The following KREMEN1 variants were observed in gnomAD, a reference collection of about 807,000 sequenced individuals.
The protein encoded by KREMEN1 is kremen protein 1.
Under a neutral mutation model 46.5 loss-of-function variants are expected in KREMEN1, and 30 were observed. The ratio of observed to expected loss-of-function variants is 0.65; its 90% CI spans 0.48 to 0.88. The LOEUF (loss-of-function observed/expected upper bound fraction) is 0.88. KREMEN1 is among the 40% of genes least tolerant of loss of function. The pLI is 0.00. For missense variants in KREMEN1, 533 were observed against 596.9 expected (o/e 0.89, Z 1.11); for synonymous variants, 214 against 230.6 (o/e 0.93, Z 0.65).
intron 3 of KREMEN1, among the ~76,000 whole-genome samples, chr22:29,102,887 G>A (rs1365688508): frequency 6.6e-6 from 1 of 152,160 alleles, no homozygotes; most frequent in Non-Finnish European, 1.5e-5. Flanking sequence ...GATAGAGGGT[G>A]GGTGGTGTCT....
In KREMEN1 at chr22:29,082,689, T is replaced by C. The variant is rs1474049643; in HGVS notation, c.97+9462T>C. On this transcript the variant is annotated intron_variant, in intron 1 of 8. Transcript: ENST00000400335. ...TCACAGGCTATTGGAAACAGGGCTA[T>C]GTGCTTCCTGAGCAGTTACACTTCA... Among the ~76,000 whole-genome samples, 9 of 152,350 alleles carry C rather than the reference T, an allele frequency of 5.9e-5. No homozygotes were observed. In the East Asian group the frequency reaches 7.7e-4, roughly 13 times the overall value.
At chr22:29,166,993 G>A in intron 9 of KREMEN1, 4 of 1,380,758 alleles carry the variant, frequency 2.9e-6, no homozygotes, top group Non-Finnish European at 4.0e-6. Flanking sequence ...CTCCCTCCGT[G>A]CCTAGGGCTG....
Position 29,131,594 on chromosome 22 carries a change from G to GTGTGTA in KREMEN1, c.632-5747_632-5746insGTGTAT, listed in dbSNP as rs71324554. Among the ~76,000 whole-genome samples the GTGTGTA allele has an allele frequency of 6.0e-3, 733 of 121,528 alleles. 49 individuals carry two copies. Among genetic ancestry groups the GTGTGTA allele is most frequent in the African/African-American group, 0.031 (718 of 23,472 alleles). The allele number at this position is 121,528 out of a possible 152,430, so 79.7% of individuals were successfully genotyped here. A position where few individuals can be genotyped will look rare whatever the true frequency, so the allele number is the denominator to read the frequency against. The stretch of plus-strand genomic sequence containing the variant: ...TGTGTGTGTGTGTGTGTGTGTGTGT[G>GTGTGTA]TATATGTATATATGTGTGTATATAT... On this transcript the variant is annotated intron_variant, in intron 5 of 8. Transcript: ENST00000400335.
At chr22:29,101,373 A>C (rs932688486) in intron 3 of KREMEN1, among the ~76,000 whole-genome samples, 3 of 152,224 alleles carry the variant, frequency 2.0e-5, no homozygotes, top group Non-Finnish European at 4.4e-5. Flanking sequence ...AAAGTAATTA[A>C]AAAGTTTATA....
At chr22:29,118,917 C>G (rs1204225692) in intron 3 of KREMEN1, among the ~76,000 whole-genome samples, 1 of 152,166 alleles carries the variant, frequency 6.6e-6, no homozygotes, top group African/African-American at 2.4e-5. Context: ...CTGCCCCCCA[C>G]TTCAGATGCC....
rs1329701509 is a variant in KREMEN1 at position 29,094,354 on chromosome 22, A to G, written c.194A>G (p.Gln65Arg). The change falls in exon 2 of 9, where the codon CAG becomes CGG. Residue 65 changes from glutamine (Q) to arginine (R), a missense_variant. Coordinates refer to ENST00000400335, the MANE Select transcript of KREMEN1 (RefSeq NM_001039570.3). ...TGTCTGTTTTGGAACGAGACTTTCC[A>G]GCATCCATACAACACTCTGAAATAC... ...KPCLFWNETF[Q>R]HPYNTLKYPN... 4 of 1,614,058 alleles carry G rather than the reference A, an allele frequency of 2.5e-6. No homozygotes were observed. The highest frequency in any genetic ancestry group is 3.4e-6 in the Non-Finnish European group (4 of 1,179,984).
chr22:29,143,924 A>G lies in KREMEN1; in HGVS notation c.*1812A>G. The G allele has an allele frequency of 1.0e-6, 1 of 985,398 alleles. No individual in the cohort carries two copies. Among genetic ancestry groups the G allele is most frequent in the Non-Finnish European group, 1.2e-6 (1 of 829,962 alleles). The allele number at this position is 985,398 out of a possible 1,614,324, so 61.0% of individuals were successfully genotyped here. ...GTGCCAGAAGAGGGTGGGTTTGGGA[A>G]TTGGAGCTCCTCCAAGGAGCTCCTC... On this transcript the variant is annotated 3_prime_UTR_variant, in exon 9 of 9. Coordinates refer to ENST00000400335, the MANE Select transcript of KREMEN1 (RefSeq NM_001039570.3).
intron 9 of KREMEN1, chr22:29,154,447 C>T (rs544998607): frequency 1.3e-5 from 2 of 152,226 alleles, no homozygotes; most frequent in African/African-American, 2.4e-5. Flanking sequence ...TGAATGTCCT[C>T]ATAGTTCCCC....
At chr22:29,090,942 C>T (rs150915582) in intron 1 of KREMEN1, among the ~76,000 whole-genome samples, 7 of 152,080 alleles carry the variant, frequency 4.6e-5, no homozygotes, top group South Asian at 2.1e-4. Context: ...GATGCCATCT[C>T]GTCTCCATGA....
Position 29,145,044 on chromosome 22 carries a change from G to C in KREMEN1, c.*2932G>C. On this transcript the variant is annotated 3_prime_UTR_variant, in exon 9 of 9. Transcript: ENST00000400335. ...GCAGGAGGGCTGTAAATCATCCCAG[G>C]CTAAGCCTCCGTGGGCACTGGCTCC... The C allele has an allele frequency of 1.0e-6, 1 of 985,486 alleles. No individual in the cohort carries two copies. Among genetic ancestry groups the C allele is most frequent in the Non-Finnish European group, 1.2e-6 (1 of 829,976 alleles). The allele number at this position is 985,486 out of a possible 1,614,324, so 61.0% of individuals were successfully genotyped here.
chr22:29,127,958 T>C (rs1436804585), intron 5 of KREMEN1, among the ~76,000 whole-genome samples: 2 of 152,216 alleles, frequency 1.3e-5, no homozygotes, highest in Non-Finnish European at 2.9e-5. Context: ...GAAACCATTA[T>C]TCTAAATGAA....
chr22:29,077,372 C>T (rs1370476946), intron 1 of KREMEN1, among the ~76,000 whole-genome samples: 1 of 152,106 alleles, frequency 6.6e-6, no homozygotes, highest in Non-Finnish European at 1.5e-5. Context: ...TTTAAAGAGA[C>T]GGAGTCTCAC....
In KREMEN1 at chr22:29,142,603, T is replaced by C. The variant is rs1202351192; in HGVS notation, c.*491T>C. 4.1e-6 allele frequency: 4 copies of C among 985,512 alleles called. No individual in the cohort carries two copies. The highest frequency in any genetic ancestry group is 4.8e-6 in the Non-Finnish European group (4 of 830,128). The allele number at this position is 985,512 out of a possible 1,614,324, so 61.0% of individuals were successfully genotyped here. A position where few individuals can be genotyped will look rare whatever the true frequency, so the allele number is the denominator to read the frequency against. On this transcript the variant is annotated 3_prime_UTR_variant, in exon 9 of 9. Transcript: ENST00000400335. ...GAGAACTCTCAGGTACTCTTGGGAG[T>C]TGGTCCCATACAAGTGCGGACTCCT...
intron 2 of KREMEN1, 83 bp downstream of exon 2, chr22:29,094,503 C>G (rs2037850158): frequency 4.7e-6 from 6 of 1,276,186 alleles, no homozygotes; most frequent in Admixed American, 5.1e-5. Flanking sequence ...CAGCTCACAA[C>G]TAGGGGAAGT....
intron 6 of KREMEN1, among the ~76,000 whole-genome samples, chr22:29,138,004 A>C (rs946103344): frequency 6.6e-6 from 1 of 152,234 alleles, no homozygotes; most frequent in Non-Finnish European, 1.5e-5. Flanking sequence ...GAAGGTTATC[A>C]AAAGGTCATC....
rs976386159 is a variant in KREMEN1, at chr22:29,143,967, A to G, written c.*1855A>G. 23 of 985,310 alleles carry G rather than the reference A, an allele frequency of 2.3e-5. No homozygotes were observed. The highest frequency in any genetic ancestry group is 2.8e-5 in the Non-Finnish European group (23 of 829,934). 61.0% of individuals were successfully genotyped at this position (985,310 alleles called of 1,614,324 possible). ...AGCTCCTCCTAAGATTGAGTGCTGC[A>G]GCTGTAGTGGCTGCTGGTTGGGAGA... On this transcript the variant is annotated 3_prime_UTR_variant, in exon 9 of 9. Coordinates refer to ENST00000400335, the MANE Select transcript of KREMEN1 (RefSeq NM_001039570.3).
intron 3 of KREMEN1, among the ~76,000 whole-genome samples, chr22:29,117,369 C>T (rs1330947090): frequency 6.6e-6 from 1 of 152,104 alleles, no homozygotes; most frequent in Non-Finnish European, 1.5e-5. Flanking sequence ...AGATCGAGAC[C>T]ATCCTGGCTA....
Position 29,145,292 on chromosome 22 carries a change from A to G in KREMEN1, c.*3180A>G. The G allele has an allele frequency of 1.0e-6, 1 of 985,648 alleles. No homozygotes were observed. The highest frequency in any genetic ancestry group is 1.2e-6 in the Non-Finnish European group (1 of 830,058). 61.1% of individuals were successfully genotyped at this position (985,648 alleles called of 1,614,324 possible). A position where few individuals can be genotyped will look rare whatever the true frequency, so the allele number is the denominator to read the frequency against. On this transcript the variant is annotated 3_prime_UTR_variant, in exon 9 of 9. Transcript: ENST00000400335. Reference sequence around the variant, plus strand: ...GGCGAAAAGAGGGTAACCCTGGGAAAGTCAGTCAGAACCCATGGCAGAAGA... The same window carrying G: ...GGCGAAAAGAGGGTAACCCTGGGAAGGTCAGTCAGAACCCATGGCAGAAGA...
exon 10 of KREMEN1, chr22:29,167,204 C>T: frequency 3.0e-6 from 3 of 1,002,882 alleles, no homozygotes; most frequent in Non-Finnish European, 4.6e-6. Flanking sequence ...AAATGGTGGG[C>T]TCTCTCTGGC....
Sources: allele counts gnomAD v4.1 joint callset (sites outside exome capture counted in the v4.1 genomes callset), GRCh38; gene constraint gnomAD v4.1.1; transcripts MANE v1.5; gene names NCBI Gene and HGNC (gene_info 2026-07-23, HGNC 2026-07-21).